Variants in CNTNAP2 observed in about 807,000 individuals in gnomAD.
CNTNAP2 encodes the protein contactin associated protein 2.
In CNTNAP2, 98 loss-of-function variants were observed where a neutral mutation model predicts 155.2. The observed-to-expected ratio is 0.63, with a 90% CI of 0.54 to 0.75. CNTNAP2 has a LOEUF of 0.75. CNTNAP2 is among the 30% of genes least tolerant of loss of function. CNTNAP2 has a pLI of 0.00. For synonymous variants in CNTNAP2, 651 were observed against 631.2 expected (o/e 1.03, Z -0.47); for missense variants, 1,727 against 1,688.1 (o/e 1.02, Z -0.40).
chr7:147,120,944 A>G (rs1177587304), intron 5 of CNTNAP2, 35 bp from the exon 6 acceptor site: 1 of 1,604,044 alleles, frequency 6.2e-7, no homozygotes, highest in South Asian at 1.1e-5. Flanking sequence ...CCATAGCATC[A>G]TTGCATTGTT....
intron 9 of CNTNAP2, among the ~76,000 whole-genome samples, chr7:147,313,927 C>G (rs1188680996): frequency 1.3e-5 from 2 of 150,704 alleles, no homozygotes; most frequent in African/African-American, 2.5e-5. Flanking sequence ...TTTGTATCCT[C>G]TTTTATTTCA....
intron 3 of CNTNAP2, among the ~76,000 whole-genome samples, chr7:146,971,680 T>C (rs1411440012): frequency 6.6e-6 from 1 of 152,100 alleles, no homozygotes; most frequent in East Asian, 1.9e-4. Context: ...TGCATCCTCA[T>C]ATGGGAGAAG....
intron 12 of CNTNAP2, among the ~76,000 whole-genome samples, chr7:147,629,603 A>T (rs1394539013): frequency 6.6e-6 from 1 of 152,048 alleles, no homozygotes; most frequent in African/African-American, 2.4e-5. Context: ...TGATAAACTT[A>T]AGAAAATAAA....
intron 4 of CNTNAP2, among the ~76,000 whole-genome samples, chr7:147,089,550 T>G (rs41322149): frequency 0.028 from 4,210 of 152,292 alleles, 188 homozygotes; most frequent in African/African-American, 0.089. Context: ...TTCTTCATTT[T>G]GAACTCCAGA....
intron 1 of CNTNAP2, among the ~76,000 whole-genome samples, chr7:146,758,112 T>C (rs898793276): frequency 1.1e-4 from 16 of 152,218 alleles, no homozygotes; most frequent in African/African-American, 3.4e-4. Flanking sequence ...CTAGATGAGA[T>C]CGCAAATTCT....
chr7:146,936,170 C>T (rs1796909546), intron 3 of CNTNAP2, among the ~76,000 whole-genome samples: 1 of 151,938 alleles, frequency 6.6e-6, no homozygotes, highest in Non-Finnish European at 1.5e-5. Flanking sequence ...GAGAACCTGA[C>T]CAAAAAGGGG....
At chr7:146,321,124 C>G (rs772290128) in intron 1 of CNTNAP2, among the ~76,000 whole-genome samples, 1 of 151,752 alleles carries the variant, frequency 6.6e-6, no homozygotes, top group Non-Finnish European at 1.5e-5. Flanking sequence ...ATATTTTTAC[C>G]TTAAAGATGA....
chr7:147,799,706 C>T (rs851683), intron 13 of CNTNAP2, among the ~76,000 whole-genome samples: 44,423 of 151,978 alleles, frequency 0.29, 7,388 homozygotes, highest in African/African-American at 0.46. Context: ...GAGTGAAGGC[C>T]CAGATGCATG....
intron 13 of CNTNAP2, among the ~76,000 whole-genome samples, chr7:147,708,198 C>G (rs965162955): frequency 3.3e-5 from 5 of 152,170 alleles, no homozygotes; most frequent in Non-Finnish European, 7.3e-5. Flanking sequence ...CACACATTTT[C>G]TTCAAGCTTG....
At chr7:146,986,378 C>A (rs1019558210) in intron 3 of CNTNAP2, among the ~76,000 whole-genome samples, 3 of 152,152 alleles carry the variant, frequency 2.0e-5, no homozygotes, top group African/African-American at 4.8e-5. Flanking sequence ...TATATGTACA[C>A]CGCAGTTTCT....
At chr7:148,381,522 G>C (rs1172190911) in intron 21 of CNTNAP2, 1 of 152,218 alleles carries the variant, frequency 6.6e-6, no homozygotes, top group East Asian at 1.9e-4. Flanking sequence ...CTGTCCCTCT[G>C]AAGTGAAGCT....
At chr7:147,480,100 G>T (rs1798395423) in intron 10 of CNTNAP2, among the ~76,000 whole-genome samples, 1 of 152,076 alleles carries the variant, frequency 6.6e-6, no homozygotes, top group Non-Finnish European at 1.5e-5. Flanking sequence ...TATGATTATG[G>T]AAACAGCTCT....
chr7:147,132,049 G>A (rs1160525981), intron 7 of CNTNAP2, among the ~76,000 whole-genome samples, 196 bp from the exon 8 acceptor site: 1 of 152,136 alleles, frequency 6.6e-6, no homozygotes, highest in Non-Finnish European at 1.5e-5. Context: ...CTGCTGCTCA[G>A]TAGTAGGTCT....
chr7:146,722,306 G>A (rs1035359804), intron 1 of CNTNAP2, among the ~76,000 whole-genome samples: 1 of 152,076 alleles, frequency 6.6e-6, no homozygotes, highest in African/African-American at 2.4e-5. Context: ...TTGGCCTTTT[G>A]TGTCCTGTGA....
intron 14 of CNTNAP2, among the ~76,000 whole-genome samples, chr7:147,966,310 A>G (rs1801208652): frequency 6.6e-6 from 1 of 152,212 alleles, no homozygotes; most frequent in Non-Finnish European, 1.5e-5. Flanking sequence ...TCTGAGGCCA[A>G]ATGCATCAGA....
At chr7:146,949,322 C>T (rs930225026) in intron 3 of CNTNAP2, among the ~76,000 whole-genome samples, 1 of 152,218 alleles carries the variant, frequency 6.6e-6, no homozygotes, top group Admixed American at 6.5e-5. Context: ...GACCTCAGAT[C>T]GCACTCTTCC....
chr7:147,859,226 A>G (rs1335197145), intron 13 of CNTNAP2, among the ~76,000 whole-genome samples: 1 of 152,130 alleles, frequency 6.6e-6, no homozygotes, highest in African/African-American at 2.4e-5. Flanking sequence ...TTAGGGATCG[A>G]CAGCATCTCA....
chr7:147,224,329 A>T (rs1354504681), intron 8 of CNTNAP2, among the ~76,000 whole-genome samples: 1 of 152,220 alleles, frequency 6.6e-6, no homozygotes, highest in Non-Finnish European at 1.5e-5. Flanking sequence ...GAAAAATCAA[A>T]ACAATGATAT....
chr7:147,062,436 G>A (rs887870528), intron 4 of CNTNAP2, among the ~76,000 whole-genome samples: 3 of 152,002 alleles, frequency 2.0e-5, no homozygotes, highest in Non-Finnish European at 2.9e-5. Flanking sequence ...ATTATGAAGT[G>A]TAGCATTATC....
Sources: allele counts gnomAD v4.1 joint callset (sites outside exome capture counted in the v4.1 genomes callset), GRCh38; gene constraint gnomAD v4.1.1; transcripts MANE v1.5; gene names NCBI Gene and HGNC (gene_info 2026-07-23, HGNC 2026-07-21).